FSTL5: variants seen among roughly 807,000 people sequenced by gnomAD.
FSTL5 encodes follistatin-related protein 5.
FSTL5 carries 62 observed loss-of-function variants against 89.1 expected under a neutral mutation model. The ratio of observed to expected loss-of-function variants is 0.70; its 90% CI spans 0.57 to 0.86. The LOEUF (loss-of-function observed/expected upper bound fraction) is 0.86, where lower values mean the gene tolerates loss of function less well. Ranked by LOEUF, FSTL5 falls within the 40% of genes least tolerant of loss-of-function variation. FSTL5 has a pLI of 0.00. For synonymous variants in FSTL5, 383 were observed against 346.2 expected (o/e 1.11, Z -1.18); for missense variants, 1,057 against 1,001.6 (o/e 1.06, Z -0.75).
At chr4:162,015,293 T>C (rs1736885500) in intron 3 of FSTL5, among the ~76,000 whole-genome samples, 1 of 152,140 alleles carries the variant, frequency 6.6e-6, no homozygotes, top group Non-Finnish European at 1.5e-5. Context: ...AAAAGGGAAG[T>C]GTGACGGATT....
At chr4:162,132,500 C>T (rs868280102) in intron 1 of FSTL5, among the ~76,000 whole-genome samples, 40 of 151,968 alleles carry the variant, frequency 2.6e-4, no homozygotes, top group African/African-American at 8.7e-4. Flanking sequence ...CCGGACATGC[C>T]GCCTTTAAGA....
intron 6 of FSTL5, among the ~76,000 whole-genome samples, chr4:161,678,192 G>A (rs1409946659): frequency 6.6e-6 from 1 of 151,594 alleles, no homozygotes; most frequent in Non-Finnish European, 1.5e-5. Flanking sequence ...ATATGTAAAT[G>A]TACAAACACA....
intron 3 of FSTL5, among the ~76,000 whole-genome samples, chr4:161,943,252 A>T (rs1734641048): frequency 1.3e-5 from 2 of 151,918 alleles, no homozygotes; most frequent in Admixed American, 1.3e-4. Flanking sequence ...TACTACCCCA[A>T]ATTTTCATTA....
intron 4 of FSTL5, among the ~76,000 whole-genome samples, chr4:161,904,288 A>G (rs1324937409): frequency 6.6e-6 from 1 of 152,054 alleles, no homozygotes; most frequent in Non-Finnish European, 1.5e-5. Flanking sequence ...CATGAATGTG[A>G]TGATTTTATA....
At chr4:162,134,474 A>T (rs564693807) in intron 1 of FSTL5, among the ~76,000 whole-genome samples, 1 of 152,354 alleles carries the variant, frequency 6.6e-6, no homozygotes, top group Admixed American at 6.5e-5. Flanking sequence ...CCACCTGAGA[A>T]TATTTCAAAA....
At chr4:161,924,332 C>T (rs1244776172) in intron 3 of FSTL5, among the ~76,000 whole-genome samples, 1 of 150,724 alleles carries the variant, frequency 6.6e-6, no homozygotes, top group African/African-American at 2.4e-5. Context: ...TTTTCAGATT[C>T]TCAATAATGA....
chr4:161,812,879 C>CAAAAAAAAAAAAAAAAAAAAAAAAAAA (rs35183730), intron 4 of FSTL5, among the ~76,000 whole-genome samples: 4 of 41,564 alleles, frequency 9.6e-5, no homozygotes, highest in African/African-American at 1.8e-4. Flanking sequence ...TAAATCCCAG[C>CAAAAAAAAAAAAAAAAAAAAAAAAAAA]AAAAAAAAAA....
chr4:162,045,982 C>T (rs1326454704), intron 2 of FSTL5, among the ~76,000 whole-genome samples: 2 of 152,106 alleles, frequency 1.3e-5, no homozygotes, highest in Admixed American at 6.6e-5. Flanking sequence ...ATATGAGACA[C>T]ATTCTAACTA....
At chr4:161,506,464 G>A (rs1183307816) in intron 11 of FSTL5, among the ~76,000 whole-genome samples, 1 of 152,006 alleles carries the variant, frequency 6.6e-6, no homozygotes, top group Non-Finnish European at 1.5e-5. Context: ...GGAACAGGTG[G>A]TATTTGGTTA....
At chr4:161,655,867 C>T (rs916922494) in intron 7 of FSTL5, among the ~76,000 whole-genome samples, 1 of 152,058 alleles carries the variant, frequency 6.6e-6, no homozygotes, top group Non-Finnish European at 1.5e-5. Flanking sequence ...GCTATAGATT[C>T]CTATTACATG....
At chr4:161,696,122 A>G (rs1325270408) in intron 6 of FSTL5, among the ~76,000 whole-genome samples, 1 of 152,118 alleles carries the variant, frequency 6.6e-6, no homozygotes, top group Non-Finnish European at 1.5e-5. Context: ...ATTCATCTTG[A>G]GTTGATTTTT....
intron 12 of FSTL5, among the ~76,000 whole-genome samples, chr4:161,486,425 T>C (rs745838439): frequency 1.6e-4 from 25 of 152,158 alleles, no homozygotes; most frequent in Non-Finnish European, 2.9e-4. Flanking sequence ...GGGTTTGGTG[T>C]CTTAATATAT....
intron 15 of FSTL5, among the ~76,000 whole-genome samples, chr4:161,445,045 C>T (rs1732900654): frequency 6.6e-6 from 1 of 151,866 alleles, no homozygotes; most frequent in Non-Finnish European, 1.5e-5. Flanking sequence ...GCAATAAGTA[C>T]AAAATCTACA....
chr4:161,779,762 TATATATATATATG>T (rs1560840650), intron 4 of FSTL5, among the ~76,000 whole-genome samples: 6 of 61,300 alleles, frequency 9.8e-5, no homozygotes, highest in Non-Finnish European at 1.7e-4. Context: ...TGTAAAGTTA[TATATATATATATG>T]TATATATATA....
chr4:162,126,234 T>C (rs1732074862), intron 1 of FSTL5, among the ~76,000 whole-genome samples: 1 of 152,214 alleles, frequency 6.6e-6, no homozygotes, highest in East Asian at 1.9e-4. Context: ...TTTTTCAATG[T>C]GGGCCAATAA....
At chr4:161,634,831 C>T (rs1735632440) in intron 7 of FSTL5, among the ~76,000 whole-genome samples, 1 of 152,122 alleles carries the variant, frequency 6.6e-6, no homozygotes, top group East Asian at 1.9e-4. Context: ...AGATTGGTGA[C>T]TATAGGTAAT....
At chr4:161,525,053 T>A (rs6819698) in intron 10 of FSTL5, among the ~76,000 whole-genome samples, 4,092 of 152,154 alleles carry the variant, frequency 0.027, 174 homozygotes, top group African/African-American at 0.092. Flanking sequence ...AAAGATCAGC[T>A]CTATGTTCAT....
chr4:161,437,542 G>A (rs1309393502), intron 15 of FSTL5, among the ~76,000 whole-genome samples: 1 of 72,836 alleles, frequency 1.4e-5, no homozygotes, highest in Non-Finnish European at 2.5e-5. Context: ...ACTCCAGCCT[G>A]GTGACAGAGT....
Position 161,481,095 on chromosome 4 carries a change from G to A in FSTL5, c.1533C>T (p.Asp511=). 1 of 1,612,998 alleles carries A rather than the reference G, an allele frequency of 6.2e-7. No individual in the cohort carries two copies. The change falls in exon 13 of 16, where the codon GAC becomes GAT. Residue 511 remains aspartate, a synonymous_variant. Transcript: ENST00000306100. ...CVWASAVNVK[D]KFIYVAQPTL... is the part of the protein sequence containing the mutation. Reference sequence around the variant, plus strand: ...TTGGCTGTGCAACATAAATGAACTTGTCTTTGACATTAACAGCTGATGCCC... The same window carrying A: ...TTGGCTGTGCAACATAAATGAACTTATCTTTGACATTAACAGCTGATGCCC...
Sources: allele counts gnomAD v4.1 joint callset (sites outside exome capture counted in the v4.1 genomes callset), GRCh38; gene constraint gnomAD v4.1.1; transcripts MANE v1.5; gene names NCBI Gene and HGNC (gene_info 2026-07-23, HGNC 2026-07-21).